Variants in DCC observed in about 807,000 individuals in gnomAD.
The protein encoded by DCC is netrin receptor DCC.
DCC carries 58 observed loss-of-function variants against 172.5 expected under a neutral mutation model. The ratio of observed to expected loss-of-function variants is 0.34; its 90% CI spans 0.27 to 0.42. DCC has a LOEUF of 0.42. Ranked by LOEUF, DCC falls within the 10% of genes least tolerant of loss-of-function variation. The pLI, the probability that DCC is intolerant of heterozygous loss-of-function variation, is 1.00. For missense variants in DCC, 1,740 were observed against 1,791.0 expected (o/e 0.97, Z 0.51); for synonymous variants, 709 against 644.5 (o/e 1.10, Z -1.52).
At chr18:52,494,655 A>G (rs542818361) in intron 1 of DCC, among the ~76,000 whole-genome samples, 57 of 152,032 alleles carry the variant, frequency 3.7e-4, no homozygotes, top group African/African-American at 1.3e-3. Context: ...GAGCTTCAGC[A>G]TTTTCATTGG....
chr18:52,798,968 C>T (rs1330320513), intron 2 of DCC, among the ~76,000 whole-genome samples: 2 of 152,000 alleles, frequency 1.3e-5, no homozygotes, highest in Non-Finnish European at 1.5e-5. Context: ...AGGCTGGTCT[C>T]GAACTCCTGA....
intron 1 of DCC, among the ~76,000 whole-genome samples, chr18:52,657,482 G>C (rs1442665720): frequency 6.6e-6 from 1 of 152,156 alleles, no homozygotes; most frequent in Non-Finnish European, 1.5e-5. Flanking sequence ...TAATAGTCGA[G>C]ATTTTATTTT....
At chr18:52,383,841 CA>C (rs1274528559) in intron 1 of DCC, among the ~76,000 whole-genome samples, 2 of 152,056 alleles carry the variant, frequency 1.3e-5, no homozygotes, top group East Asian at 3.9e-4. Context: ...ACATTTACCA[CA>C]GAAATTTTCA....
chr18:52,521,728 G>A (rs1363962979), intron 1 of DCC, among the ~76,000 whole-genome samples: 4 of 152,020 alleles, frequency 2.6e-5, no homozygotes, highest in African/African-American at 9.7e-5. Context: ...AAACTAAACT[G>A]GAAAAGGTGA....
At chr18:53,351,395 TAC>T (rs1363842734) in intron 15 of DCC, among the ~76,000 whole-genome samples, 3 of 29,754 alleles carry the variant, frequency 1.0e-4, no homozygotes, top group African/African-American at 4.1e-4. Context: ...TATATATATA[TAC>T]AGTGTATATA....
chr18:53,144,108 T>A (rs2043870523), intron 7 of DCC, among the ~76,000 whole-genome samples: 1 of 152,220 alleles, frequency 6.6e-6, no homozygotes, highest in Admixed American at 6.5e-5. Flanking sequence ...TCTCTTTGAA[T>A]AGGTTGATAT....
At chr18:53,032,616 A>T (rs1568257680) in intron 5 of DCC, among the ~76,000 whole-genome samples, 1 of 152,154 alleles carries the variant, frequency 6.6e-6, no homozygotes, top group Non-Finnish European at 1.5e-5. Flanking sequence ...AGAAAATCTC[A>T]AGTTTCCACA....
At chr18:53,178,766 G>A (rs1324120472) in intron 8 of DCC, among the ~76,000 whole-genome samples, 196 bp from the exon 9 acceptor site, 2 of 152,082 alleles carry the variant, frequency 1.3e-5, no homozygotes, top group Non-Finnish European at 2.9e-5. Flanking sequence ...CAGAATCCTT[G>A]CAACATTTAT....
chr18:52,541,875 G>GTATATATATA (rs765428849), intron 1 of DCC, among the ~76,000 whole-genome samples: 1,651 of 115,032 alleles, frequency 0.014, 63 homozygotes, highest in Admixed American at 0.059. Flanking sequence ...GTGTGTGTGT[G>GTATATATATA]TATATATATA....
At chr18:53,356,365 A>G (rs1460780760) in intron 15 of DCC, among the ~76,000 whole-genome samples, 2 of 151,370 alleles carry the variant, frequency 1.3e-5, no homozygotes, top group African/African-American at 4.9e-5. Context: ...TATGAGTTGT[A>G]TTTTCTGGTT....
At chr18:53,455,792 G>T (rs1370384430) in intron 23 of DCC, among the ~76,000 whole-genome samples, 1 of 152,098 alleles carries the variant, frequency 6.6e-6, no homozygotes, top group African/African-American at 2.4e-5. Context: ...CTGTCATGCC[G>T]CAGTGCATGC....
chr18:53,164,936 A>G (rs1178161259), intron 8 of DCC, among the ~76,000 whole-genome samples: 2 of 152,190 alleles, frequency 1.3e-5, no homozygotes, highest in Non-Finnish European at 2.9e-5. Flanking sequence ...CTAAGAAACC[A>G]CACTAATAGT....
chr18:52,712,888 CCT>C (rs1392763193), intron 1 of DCC, among the ~76,000 whole-genome samples: 1 of 152,136 alleles, frequency 6.6e-6, no homozygotes, highest in Non-Finnish European at 1.5e-5. Flanking sequence ...GAGCTCTGCC[CCT>C]GTGTCCCCTC....
At chr18:53,047,887 T>G (rs2042278231) in intron 5 of DCC, among the ~76,000 whole-genome samples, 1 of 148,570 alleles carries the variant, frequency 6.7e-6, no homozygotes, top group Admixed American at 6.7e-5. Context: ...TATTTTCTTT[T>G]GTGTTTTCCT....
intron 1 of DCC, among the ~76,000 whole-genome samples, chr18:52,719,828 G>T (rs1478640150): frequency 6.6e-6 from 1 of 152,132 alleles, no homozygotes; most frequent in Non-Finnish European, 1.5e-5. Flanking sequence ...TGAGTTCAAG[G>T]GGCGGGATGG....
At chr18:52,914,522 C>T (rs1402462130) in intron 3 of DCC, among the ~76,000 whole-genome samples, 2 of 139,924 alleles carry the variant, frequency 1.4e-5, no homozygotes, top group East Asian at 2.0e-4. Context: ...GGAGAAATGG[C>T]TTCTTTCTCC....
At chr18:52,430,188 C>T (rs754055401) in intron 1 of DCC, among the ~76,000 whole-genome samples, 10 of 151,798 alleles carry the variant, frequency 6.6e-5, no homozygotes, top group Non-Finnish European at 7.4e-5. Flanking sequence ...GGGTTTTAGA[C>T]GTGAAAGTAA....
chr18:53,171,124 A>G (rs1259207417), intron 8 of DCC, among the ~76,000 whole-genome samples: 1 of 152,118 alleles, frequency 6.6e-6, no homozygotes, highest in Non-Finnish European at 1.5e-5. Flanking sequence ...ACCTCAAGTG[A>G]TCTGCCTGCC....
intron 12 of DCC, among the ~76,000 whole-genome samples, chr18:53,294,747 A>G (rs769147949): frequency 2.0e-5 from 3 of 152,158 alleles, no homozygotes; most frequent in Non-Finnish European, 4.4e-5. Flanking sequence ...TTGAAGTTGA[A>G]CAATCTGAGA....
Sources: gnomAD v4.1 joint callset for allele counts (sites outside exome capture counted in the v4.1 genomes callset) on GRCh38, gnomAD v4.1.1 for gene constraint, MANE v1.5 for transcripts, NCBI Gene and HGNC (gene_info 2026-07-23, HGNC 2026-07-21) for gene names.